The following SLC27A1 variants were observed in gnomAD, a reference collection of about 807,000 sequenced individuals.
The protein encoded by SLC27A1 is long-chain fatty acid transport protein 1.
SLC27A1 carries 61 observed loss-of-function variants against 62.2 expected under a neutral mutation model. The ratio of observed to expected loss-of-function variants is 0.98; its 90% CI spans 0.80 to 1.21. SLC27A1 has a LOEUF of 1.21. Among genes scored for constraint, SLC27A1 ranks in the 50% most tolerant of loss-of-function variants. The pLI is 0.00. For synonymous variants in SLC27A1, 435 were observed against 408.6 expected, an observed-to-expected ratio of 1.06 and a Z score of -0.78; for missense variants, 903 against 932.1, an observed-to-expected ratio of 0.97 and a Z score of 0.41.
At chr19:17,500,176 T>G in intron 7 of SLC27A1, 102 bp from the exon 8 acceptor site, 1 of 1,516,816 alleles carries the variant, frequency 6.6e-7, no homozygotes, top group Non-Finnish European at 8.9e-7. Context: ...AGAATGACAC[T>G]GGAGGTGCTA....
At chr19:17,494,016 G>GT (rs2075322008) in intron 6 of SLC27A1, among the ~76,000 whole-genome samples, 2 of 140,534 alleles carry the variant, frequency 1.4e-5, no homozygotes, top group Non-Finnish European at 3.1e-5. Context: ...CCAGGTAGCT[G>GT]TTTCTTTTTT....
In SLC27A1 at chr19:17,482,887, CAGATGCATAGATGCTAG is replaced by C. The variant is rs2075192980; in HGVS notation, c.168-3668_168-3652del. Among the ~76,000 whole-genome samples the C allele has an allele frequency of 2.3e-4, 35 of 152,220 alleles. No homozygotes were observed. In the South Asian group the frequency reaches 7.2e-3, roughly 32 times the overall value. On this transcript the variant is annotated intron_variant, in intron 1 of 11. Coordinates refer to ENST00000252595, the MANE Select transcript of SLC27A1 (RefSeq NM_198580.3). ...TCTATTGACTGAGCACATACTCCAG[CAGATGCATAGATGCTAG>C]AGATGCACAGATGCTAGAGATGCAC...
intron 6 of SLC27A1, among the ~76,000 whole-genome samples, chr19:17,492,955 A>G (rs113729216): frequency 9.9e-5 from 15 of 151,594 alleles, no homozygotes; most frequent in South Asian, 4.2e-4. Context: ...AAAAAAAGAA[A>G]GAAATAGAGG....
At chr19:17,504,215 C>T (rs1347155481) in intron 11 of SLC27A1, among the ~76,000 whole-genome samples, 3 of 152,208 alleles carry the variant, frequency 2.0e-5, no homozygotes, top group South Asian at 4.1e-4. Context: ...GGACACATGA[C>T]CAGGCAGGGT....
upstream of SLC27A1, among the ~76,000 whole-genome samples, chr19:17,469,628 C>T (rs542101619): frequency 2.0e-5 from 3 of 152,184 alleles, no homozygotes; most frequent in East Asian, 5.8e-4. Flanking sequence ...GGTCCGGTTG[C>T]CTCTCTATGG....
intron 1 of SLC27A1, among the ~76,000 whole-genome samples, chr19:17,476,401 GGT>G (rs1038833688): frequency 6.6e-6 from 1 of 152,010 alleles, no homozygotes; most frequent in African/African-American, 2.4e-5. Context: ...AGCTGGGCGT[GGT>G]AGCGGGCACC....
intron 6 of SLC27A1, among the ~76,000 whole-genome samples, chr19:17,494,020 C>CTTT (rs35491603): frequency 7.4e-6 from 1 of 135,788 alleles, no homozygotes; most frequent in African/African-American, 2.7e-5. Flanking sequence ...GTAGCTGTTT[C>CTTT]TTTTTTTTTT....
chr19:17,491,545 C>T (rs1375080553), intron 6 of SLC27A1, among the ~76,000 whole-genome samples: 1 of 152,166 alleles, frequency 6.6e-6, no homozygotes, highest in Admixed American at 6.5e-5. Flanking sequence ...TAATTAAATA[C>T]ACAACCAGCA....
intron 1 of SLC27A1, among the ~76,000 whole-genome samples, chr19:17,483,299 G>C (rs556801189): frequency 1.3e-5 from 2 of 152,258 alleles, no homozygotes; most frequent in African/African-American, 4.8e-5. Context: ...GACCAAGTGC[G>C]GCCCCATTTT....
In SLC27A1 at chr19:17,486,793, T is replaced by C. The variant is rs1284662562; in HGVS notation, c.398T>C (p.Ile133Thr). ...TTCGCGCCGGGCGACGTGGTGGCCATCTTCCTGGAGGGCCGGCCGGAGTTC... is the reference window on the plus strand; with the variant it reads ...TTCGCGCCGGGCGACGTGGTGGCCACCTTCCTGGAGGGCCGGCCGGAGTTC... ...LGFAPGDVVA[I>T]FLEGRPEFVG... The change falls in exon 2 of 12, where the codon ATC (isoleucine) becomes ACC (threonine). Residue 133 changes from isoleucine (I) to threonine (T), a missense_variant. Physicochemically the swap from Ile to Thr is moderately conservative, Grantham distance 89. Coordinates refer to ENST00000252595, the MANE Select transcript of SLC27A1 (RefSeq NM_198580.3). This position sits in a 1 kb window ranked among gnomAD's most constrained non-coding sequence, Gnocchi z 6.6. The C allele has an allele frequency of 6.2e-7, 1 of 1,601,864 alleles. No individual in the cohort carries two copies. Among genetic ancestry groups the C allele is most frequent in the Non-Finnish European group, 8.5e-7 (1 of 1,175,086 alleles).
intron 11 of SLC27A1, among the ~76,000 whole-genome samples, chr19:17,504,023 G>A (rs1255588560): frequency 6.7e-6 from 1 of 150,040 alleles, no homozygotes; most frequent in Non-Finnish European, 1.5e-5. Context: ...GGGCTCAAGC[G>A]ACCCTCCTGC....
intron 11 of SLC27A1, 82 bp from the exon 12 acceptor site, chr19:17,504,373 A>C: frequency 6.5e-7 from 1 of 1,537,780 alleles, no homozygotes; most frequent in South Asian, 1.1e-5. Flanking sequence ...GGGAAGGTCC[A>C]GAGGTGCAGG....
At chr19:17,490,006 G>A (rs1217112142) in intron 6 of SLC27A1, 1 of 152,416 alleles carries the variant, frequency 6.6e-6, no homozygotes, top group East Asian at 1.9e-4. Context: ...GCTGAGCAGG[G>A]GTTGGGGGCT....
intron 1 of SLC27A1, among the ~76,000 whole-genome samples, chr19:17,481,680 T>G (rs551443495): frequency 6.6e-6 from 1 of 152,202 alleles, no homozygotes; most frequent in South Asian, 2.1e-4. Context: ...TTTCTGTATT[T>G]TTAGTAGAGC....
At position 17,487,407 on chromosome 19, in the gene SLC27A1, G is replaced by C. The variant is rs1452724924; in HGVS notation, c.725-53G>C. ...GCCCAGGCCCCGCCCCCAACTTCCA[G>C]GCCCCACCCCCCAATGCTCAGGCCC... On this transcript the variant is annotated intron_variant, in intron 3 of 11. Coordinates refer to ENST00000252595, the MANE Select transcript of SLC27A1 (RefSeq NM_198580.3). The C allele has an allele frequency of 2.6e-5, 25 of 954,242 alleles. No homozygotes were observed. In the African/African-American group the frequency reaches 7.2e-4, roughly 27 times the overall value. The allele number at this position is 954,242 out of a possible 1,614,324, so 59.1% of individuals were successfully genotyped here.
intron 1 of SLC27A1, among the ~76,000 whole-genome samples, chr19:17,471,643 C>T (rs1327625206): frequency 4.6e-5 from 7 of 152,090 alleles, no homozygotes. Context: ...TTCACAGCTC[C>T]TTGTAAGATG....
intron 1 of SLC27A1, among the ~76,000 whole-genome samples, chr19:17,484,417 CCT>C (rs1244197257): frequency 6.6e-6 from 1 of 152,098 alleles, no homozygotes; most frequent in Non-Finnish European, 1.5e-5. Flanking sequence ...ATGGTGAAAC[CCT>C]GTCTCTACAA....
chr19:17,500,887 G>A lies in SLC27A1; in HGVS notation c.1636+11G>A, dbSNP rs1238407774. Reference sequence around the variant, plus strand: ...GGGTGGCTGTTCCAGGCAAGCTGGGGTTGCAGGGGGTGGTCCTGAGGCATG... The same window carrying A: ...GGGTGGCTGTTCCAGGCAAGCTGGGATTGCAGGGGGTGGTCCTGAGGCATG... On this transcript the variant is annotated intron_variant, in intron 10 of 11. Coordinates refer to ENST00000252595, the MANE Select transcript of SLC27A1 (RefSeq NM_198580.3). 6.3e-7 allele frequency: 1 copy of A among 1,599,846 alleles called. No homozygotes were observed. The highest frequency in any genetic ancestry group is 8.5e-7 in the Non-Finnish European group (1 of 1,175,244).
intron 1 of SLC27A1, among the ~76,000 whole-genome samples, chr19:17,483,066 G>A (rs978265302): frequency 1.4e-4 from 21 of 152,040 alleles, no homozygotes; most frequent in Non-Finnish European, 2.4e-4. Flanking sequence ...ACGAGTGAAG[G>A]AGGGAATGAA....
Sources: gnomAD v4.1 joint callset for allele counts (sites outside exome capture counted in the v4.1 genomes callset) on GRCh38, gnomAD v4.1.1 for gene constraint, Gnocchi (gnomAD v3.1) non-coding constraint, MANE v1.5 for transcripts, NCBI Gene and HGNC (gene_info 2026-07-23, HGNC 2026-07-21) for gene names.